The following DAB1 variants were observed in gnomAD, a reference collection of about 807,000 sequenced individuals.
DAB1 encodes the protein DAB adaptor protein 1.
A neutral mutation model predicts 64.6 loss-of-function variants in DAB1; 15 were observed. The observed-to-expected ratio is 0.23, with a 90% CI of 0.16 to 0.36. DAB1 has a LOEUF of 0.36. Ranked by LOEUF, DAB1 falls within the 10% of genes least tolerant of loss-of-function variation. DAB1 has a pLI of 1.00. For missense variants in DAB1, 596 were observed against 706.7 expected (o/e 0.84, Z 1.78); for synonymous variants, 235 against 251.9 (o/e 0.93, Z 0.64).
At chr1:57,663,678 A>T (rs1646413710) in intron 6 of DAB1, among the ~76,000 whole-genome samples, 1 of 152,096 alleles carries the variant, frequency 6.6e-6, no homozygotes, top group South Asian at 2.1e-4. Flanking sequence ...GTTGAATAAT[A>T]GGCATATTAA....
intron 5 of DAB1, among the ~76,000 whole-genome samples, chr1:57,953,197 T>G (rs1570061192): frequency 6.6e-6 from 1 of 152,222 alleles, no homozygotes; most frequent in African/African-American, 2.4e-5. Context: ...CTTCTTTATC[T>G]GAAAAATGAA....
At chr1:58,303,225 G>A (rs1334085192) in intron 4 of DAB1, among the ~76,000 whole-genome samples, 1 of 152,084 alleles carries the variant, frequency 6.6e-6, no homozygotes, top group African/African-American at 2.4e-5. Flanking sequence ...CCCTGATCCT[G>A]GGCTCTGGGA....
chr1:58,174,452 C>T (rs1656349392), intron 4 of DAB1, among the ~76,000 whole-genome samples: 1 of 152,202 alleles, frequency 6.6e-6, no homozygotes, highest in South Asian at 2.1e-4. Flanking sequence ...CCTGGACCGA[C>T]CTGCTGGCCC....
chr1:57,437,192 C>G (rs1209505493), intron 7 of DAB1, among the ~76,000 whole-genome samples: 2 of 152,088 alleles, frequency 1.3e-5, no homozygotes, highest in African/African-American at 4.8e-5. Context: ...CCTTGATATT[C>G]TGTAATTCCT....
intron 5 of DAB1, among the ~76,000 whole-genome samples, chr1:58,124,530 T>C (rs762761076): frequency 6.9e-4 from 105 of 152,234 alleles, no homozygotes; most frequent in Admixed American, 1.4e-3. Flanking sequence ...AATATTTTGA[T>C]ATCTGCTTTT....
chr1:58,474,016 G>A (rs748576796), intron 3 of DAB1: 21 of 1,045,734 alleles, frequency 2.0e-5, no homozygotes, highest in Middle Eastern at 2.4e-4. Flanking sequence ...TTTGATTTCC[G>A]AGTCAAACTT....
chr1:57,077,451 G>C (rs1238878662), intron 4 of DAB1, among the ~76,000 whole-genome samples: 2 of 152,172 alleles, frequency 1.3e-5, no homozygotes, highest in Admixed American at 1.3e-4. Context: ...AGGAAGAAAA[G>C]AAAGAAAGAC....
At chr1:57,067,560 G>A (rs1651041194) in intron 8 of DAB1, among the ~76,000 whole-genome samples, 1 of 152,056 alleles carries the variant, frequency 6.6e-6, no homozygotes, top group Admixed American at 6.5e-5. Flanking sequence ...ATGTGCACAC[G>A]CAAATTTTCC....
At chr1:57,033,442 A>C in intron 9 of DAB1, 1 of 1,612,930 alleles carries the variant, frequency 6.2e-7, no homozygotes, top group African/African-American at 1.3e-5. Flanking sequence ...TTCTGTAACC[A>C]CAAGGCATGA....
chr1:58,327,784 C>G (rs1045192438), intron 4 of DAB1, among the ~76,000 whole-genome samples: 3 of 152,158 alleles, frequency 2.0e-5, no homozygotes, highest in Non-Finnish European at 4.4e-5. Context: ...CATAGTGAAA[C>G]CCTGTCTCTA....
chr1:57,321,757 A>C (rs1006721137), intron 1 of DAB1, among the ~76,000 whole-genome samples: 5 of 152,200 alleles, frequency 3.3e-5, no homozygotes, highest in Admixed American at 3.3e-4. Context: ...ATGATAATGA[A>C]TATTGACATG....
intron 2 of DAB1, among the ~76,000 whole-genome samples, chr1:58,509,537 A>T (rs1646040367): frequency 9.6e-6 from 1 of 104,236 alleles, no homozygotes; most frequent in Non-Finnish European, 2.3e-5. Context: ...CACCTACATT[A>T]AAAAAAAAAA....
At chr1:57,732,761 T>C (rs1305007176) in intron 6 of DAB1, among the ~76,000 whole-genome samples, 1 of 152,124 alleles carries the variant, frequency 6.6e-6, no homozygotes, top group Non-Finnish European at 1.5e-5. Context: ...GGAGGCTCCC[T>C]CATGGTGCGT....
chr1:57,848,779 T>C (rs186683651), intron 1 of DAB1, among the ~76,000 whole-genome samples: 5 of 152,264 alleles, frequency 3.3e-5, no homozygotes, highest in East Asian at 1.9e-4. Flanking sequence ...TGAAGCTGCA[T>C]GTGGTGGTCA....
intron 6 of DAB1, among the ~76,000 whole-genome samples, chr1:57,684,326 T>G (rs1646669632): frequency 1.3e-5 from 2 of 151,998 alleles, no homozygotes; most frequent in Admixed American, 6.6e-5. Context: ...ACTCATCAGA[T>G]TCACTAAGGT....
chr1:58,364,412 G>C (rs1367488290), intron 3 of DAB1, among the ~76,000 whole-genome samples: 1 of 152,208 alleles, frequency 6.6e-6, no homozygotes, highest in Non-Finnish European at 1.5e-5. Context: ...GCAGAAGCTA[G>C]CAGGAAGCCA....
chr1:58,459,069 A>C (rs1169479648), intron 3 of DAB1, among the ~76,000 whole-genome samples: 2 of 152,240 alleles, frequency 1.3e-5, no homozygotes, highest in Non-Finnish European at 2.9e-5. Flanking sequence ...GTAAGATAGG[A>C]GAATGAACAA....
chr1:57,759,152 GCAGGTGGCAGTTT>G (rs565677344), intron 6 of DAB1, among the ~76,000 whole-genome samples: 208 of 152,280 alleles, frequency 1.4e-3, no homozygotes, highest in African/African-American at 4.9e-3. Flanking sequence ...TTATAGACAA[GCAGGTGGCAGTTT>G]CATCATATTT....
At chr1:57,651,679 C>T (rs1371099976) in intron 6 of DAB1, among the ~76,000 whole-genome samples, 5 of 151,860 alleles carry the variant, frequency 3.3e-5, no homozygotes, top group South Asian at 2.1e-4. Context: ...AAAAAAATGA[C>T]AGAAAGCCTG....
Sources: gnomAD v4.1 joint callset for allele counts (sites outside exome capture counted in the v4.1 genomes callset) on GRCh38, gnomAD v4.1.1 for gene constraint, MANE v1.5 for transcripts, NCBI Gene and HGNC (gene_info 2026-07-23, HGNC 2026-07-21) for gene names.